The following UBE2D3 variants were observed in gnomAD, a reference collection of about 807,000 sequenced individuals.
UBE2D3 encodes ubiquitin-conjugating enzyme E2 D3.
UBE2D3 carries 2 observed loss-of-function variants against 22.8 expected under a neutral mutation model. That is an observed-to-expected ratio of 0.09 (90% CI 0.04 to 0.28). The LOEUF (loss-of-function observed/expected upper bound fraction) is 0.28, where lower values mean the gene tolerates loss of function less well. UBE2D3 is among the 10% of genes least tolerant of loss of function. The pLI, the probability that UBE2D3 is intolerant of heterozygous loss-of-function variation, is 1.00. For synonymous variants in UBE2D3, 56 were observed against 60.4 expected, an observed-to-expected ratio of 0.93 and a Z score of 0.34; for missense variants, 27 against 182.5, an observed-to-expected ratio of 0.15 and a Z score of 4.91.
intron 2 of UBE2D3, chr4:102,825,910 C>A (rs146484705): frequency 2.5e-6 from 1 of 398,166 alleles, no homozygotes; most frequent in Non-Finnish European, 5.0e-6. Context: ...CCTCCCAAAC[C>A]CACTTATTCG....
intron 2 of UBE2D3, among the ~76,000 whole-genome samples, chr4:102,821,100 A>C (rs1382041552): frequency 6.6e-6 from 1 of 152,158 alleles, no homozygotes; most frequent in Admixed American, 6.5e-5. Flanking sequence ...GGGCAGTAAG[A>C]TATTTGGTGA....
intron 1 of UBE2D3, among the ~76,000 whole-genome samples, chr4:102,834,303 T>C (rs1731271196): frequency 6.6e-6 from 1 of 152,204 alleles, no homozygotes; most frequent in Admixed American, 6.5e-5. Flanking sequence ...TCTGCAAGTA[T>C]GACTTTAGTG....
At chr4:102,821,398 C>T (rs115484303) in intron 2 of UBE2D3, among the ~76,000 whole-genome samples, 1,540 of 152,202 alleles carry the variant, frequency 0.01, 29 homozygotes, top group African/African-American at 0.034. Context: ...ATTTTCACCA[C>T]TGAACGCAGA....
intron 1 of UBE2D3, among the ~76,000 whole-genome samples, chr4:102,836,523 A>G (rs773804579): frequency 7.9e-5 from 12 of 152,184 alleles, no homozygotes; most frequent in Admixed American, 3.3e-4. Context: ...ATATGTTTTC[A>G]TTTCTCTTGA....
Position 102,795,215 on chromosome 4 carries a change from CAAAG to C in UBE2D3, c.*2196_*2199del, listed in dbSNP as rs777473400. ...CACATCCACTAATTGTTATGACAAT[CAAAG>C]AAGTCATCTCCGTAAATACCTAAGG... On this transcript the variant is annotated 3_prime_UTR_variant, in exon 8 of 8. Transcript: ENST00000453744. The C allele has an allele frequency of 1.7e-4, 26 of 151,964 alleles. No individual in the cohort carries two copies. The highest frequency in any genetic ancestry group is 3.2e-4 in the Non-Finnish European group (22 of 67,908). 9.4% of individuals were successfully genotyped at this position (151,964 alleles called of 1,614,324 possible).
intron 4 of UBE2D3, among the ~76,000 whole-genome samples, chr4:102,808,566 C>G (rs553855425): frequency 6.6e-6 from 1 of 152,226 alleles, no homozygotes; most frequent in Admixed American, 6.5e-5. Flanking sequence ...TTTAATTACT[C>G]TAAATTAATC....
chr4:102,809,999 G>T (rs1163869199), intron 2 of UBE2D3, 144 bp from the exon 3 acceptor site: 1 of 769,946 alleles, frequency 1.3e-6, no homozygotes, highest in African/African-American at 1.7e-5. Flanking sequence ...TCCATTAGGA[G>T]AGAGAACATG....
At chr4:102,802,759 A>G (rs1035489743) in intron 4 of UBE2D3, 121 bp from the exon 5 acceptor site, 2 of 620,878 alleles carry the variant, frequency 3.2e-6, no homozygotes, top group Non-Finnish European at 5.1e-6. Flanking sequence ...ACTGCAATAA[A>G]TAATCTATTC....
intron 2 of UBE2D3, chr4:102,825,114 CAGTCAT>C: frequency 2.6e-6 from 1 of 388,050 alleles, no homozygotes; most frequent in Non-Finnish European, 3.5e-6. Context: ...AAATAAACTC[CAGTCAT>C]AATTAAATAC....
Position 102,826,692 on chromosome 4 carries a change from G to GA in UBE2D3, c.-128-57dup. ...GCACAGGCCCCGAAGAGCCCCTGAT[G>GA]AATCCAGGTCCCTTAAGACAGCCGC... On this transcript the variant is annotated intron_variant, in intron 1 of 7. Transcript: ENST00000453744. 2.0e-6 allele frequency: 3 copies of GA among 1,482,606 alleles called. No individual in the cohort carries two copies. In the South Asian group the frequency reaches 4.1e-5, roughly 20 times the overall value. The allele number at this position is 1,482,606 out of a possible 1,614,324, so 91.8% of individuals were successfully genotyped here. A position where few individuals can be genotyped will look rare whatever the true frequency, so the allele number is the denominator to read the frequency against.
intron 1 of UBE2D3, among the ~76,000 whole-genome samples, chr4:102,833,404 G>T (rs76146618): frequency 0.016 from 2,451 of 152,204 alleles, 64 homozygotes; most frequent in African/African-American, 0.053. Flanking sequence ...ATTATGTGTT[G>T]CCAACAAGAT....
intron 2 of UBE2D3, among the ~76,000 whole-genome samples, chr4:102,818,738 T>C (rs1356390531): frequency 6.6e-6 from 1 of 151,132 alleles, no homozygotes; most frequent in Admixed American, 6.6e-5. Flanking sequence ...TAAGCAGTAA[T>C]GGGTTTGGTC....
intron 1 of UBE2D3, among the ~76,000 whole-genome samples, chr4:102,866,520 C>CTGTA (rs1733152148): frequency 1.3e-5 from 2 of 152,248 alleles, no homozygotes; most frequent in African/African-American, 4.8e-5. Flanking sequence ...TTACCTGGAA[C>CTGTA]TGTACATTTG....
At chr4:102,851,707 C>T (rs536330775) in intron 1 of UBE2D3, among the ~76,000 whole-genome samples, 8 of 150,200 alleles carry the variant, frequency 5.3e-5, no homozygotes, top group African/African-American at 2.0e-4. Context: ...TGCTCTGTCT[C>T]CCAGGCTGGA....
intron 2 of UBE2D3, among the ~76,000 whole-genome samples, chr4:102,813,556 A>G (rs1459266902): frequency 6.6e-6 from 1 of 152,170 alleles, no homozygotes; most frequent in Non-Finnish European, 1.5e-5. Context: ...TAATGTAAGT[A>G]AAGACTCAAT....
At chr4:102,834,698 G>T (rs1731296196) in intron 1 of UBE2D3, among the ~76,000 whole-genome samples, 1 of 151,600 alleles carries the variant, frequency 6.6e-6, no homozygotes, top group South Asian at 2.1e-4. Flanking sequence ...GCAGTGAGCT[G>T]TGATCAGGCC....
intron 1 of UBE2D3, chr4:102,836,932 TAAC>T (rs764397413): frequency 6.6e-6 from 1 of 152,244 alleles, no homozygotes; most frequent in Non-Finnish European, 1.5e-5. Context: ...AATAAAGTCA[TAAC>T]AAGGTAACAT....
intron 2 of UBE2D3, among the ~76,000 whole-genome samples, chr4:102,823,392 C>T (rs969375210): frequency 6.6e-6 from 1 of 152,070 alleles, no homozygotes; most frequent in Admixed American, 6.6e-5. Flanking sequence ...AGGAGGGAAA[C>T]GAAGATCAAA....
At chr4:102,800,118 G>A (rs223429) in intron 6 of UBE2D3, among the ~76,000 whole-genome samples, 3 of 151,968 alleles carry the variant, frequency 2.0e-5, no homozygotes, top group African/African-American at 7.2e-5. Flanking sequence ...CAAGCATTAA[G>A]GAACATAGAT....
Sources: allele counts gnomAD v4.1 joint callset (sites outside exome capture counted in the v4.1 genomes callset), GRCh38; gene constraint gnomAD v4.1.1; transcripts MANE v1.5; gene names NCBI Gene and HGNC (gene_info 2026-07-23, HGNC 2026-07-21).